Variants in GPR107 observed in about 807,000 individuals in gnomAD.
GPR107 encodes G protein-coupled receptor 107, also known as protein GPR107.
GPR107 carries 31 observed loss-of-function variants against 75.5 expected under a neutral mutation model. That is an observed-to-expected ratio of 0.41 (90% CI 0.31 to 0.55). GPR107 has a LOEUF of 0.55. Ranked by LOEUF, GPR107 falls within the 20% of genes least tolerant of loss-of-function variation. The pLI, the probability that GPR107 is intolerant of heterozygous loss-of-function variation, is 0.26. For missense variants in GPR107, 572 were observed against 665.7 expected (o/e 0.86, Z 1.55); for synonymous variants, 267 against 251.3 (o/e 1.06, Z -0.59).
Position 130,139,858 on chromosome 9 carries a change from C to T in GPR107, c.*4737C>T, listed in dbSNP as rs1477665061. On this transcript the variant is annotated 3_prime_UTR_variant, in exon 18 of 18. Transcript: ENST00000347136. ...CACATGGGGGCTTTGACTCTTCAAA[C>T]AGCTTTTGCAGATCGTAAATTGCAT... 2.0e-5 allele frequency: 3 copies of T among 152,220 alleles called. No individual in the cohort carries two copies. The highest frequency in any genetic ancestry group is 4.4e-5 in the Non-Finnish European group (3 of 68,046). The allele number at this position is 152,220 out of a possible 1,614,324, so 9.4% of individuals were successfully genotyped here.
chr9:130,104,148 G>A (rs1228678156), intron 12 of GPR107, among the ~76,000 whole-genome samples: 1 of 152,224 alleles, frequency 6.6e-6, no homozygotes, highest in African/African-American at 2.4e-5. Flanking sequence ...AGAGAGCTGG[G>A]TGGAAGCTTT....
chr9:130,086,689 CTT>C (rs2132582367), intron 7 of GPR107, among the ~76,000 whole-genome samples: 1 of 152,250 alleles, frequency 6.6e-6, no homozygotes, highest in South Asian at 2.1e-4. Context: ...GAGTGAATAA[CTT>C]TGTGACTATC....
intron 9 of GPR107, among the ~76,000 whole-genome samples, chr9:130,096,886 T>C (rs1830886886): frequency 6.6e-6 from 1 of 152,274 alleles, no homozygotes; most frequent in African/African-American, 2.4e-5. Flanking sequence ...CTTTCTGCGA[T>C]CTAGCCATGT....
chr9:130,125,113 T>TTTTC, intron 15 of GPR107, 149 bp downstream of exon 15: 2 of 509,838 alleles, frequency 3.9e-6, no homozygotes, highest in Non-Finnish European at 6.7e-6. Context: ...TTTTTTTTTT[T>TTTTC]CTGGAGACGA....
rs557517882 is a variant in GPR107, at chr9:130,137,548, A to T, written c.*2427A>T. 3 of 152,402 alleles carry T rather than the reference A, an allele frequency of 2.0e-5. No homozygotes were observed. In the East Asian group the frequency reaches 5.8e-4, roughly 29 times the overall value. 9.4% of individuals were successfully genotyped at this position (152,402 alleles called of 1,614,324 possible). A position where few individuals can be genotyped will look rare whatever the true frequency, so the allele number is the denominator to read the frequency against. On this transcript the variant is annotated 3_prime_UTR_variant, in exon 18 of 18. Coordinates refer to ENST00000347136, the MANE Select transcript of GPR107 (RefSeq NM_020960.5). ...GCTTCAAGTCAGATTGATGATCAAG[A>T]AAAGTCAAAACCCCAGCCCAAGATT...
chr9:130,079,798 AG>A (rs1281782899), intron 5 of GPR107, 29 bp downstream of exon 5: 1 of 1,488,678 alleles, frequency 6.7e-7, no homozygotes, highest in East Asian at 2.3e-5. Flanking sequence ...ACTGGCTTTC[AG>A]TTTTCACTAC....
intron 1 of GPR107, among the ~76,000 whole-genome samples, chr9:130,074,002 C>T (rs1311828745): frequency 6.6e-6 from 1 of 152,198 alleles, no homozygotes; most frequent in Non-Finnish European, 1.5e-5. Context: ...AGTGATCCTC[C>T]TGCCTCGGCC....
At chr9:130,102,136 T>C (rs1326522449) in intron 12 of GPR107, among the ~76,000 whole-genome samples, 1 of 152,174 alleles carries the variant, frequency 6.6e-6, no homozygotes, top group Non-Finnish European at 1.5e-5. Flanking sequence ...GTGACAGAGA[T>C]AGGGCTGGCC....
rs1830330023 is a variant in GPR107, at chr9:130,075,753, A to C, written c.255+4A>C. On this transcript the variant is annotated splice_donor_region_variant and intron_variant, in intron 2 of 17. Coordinates refer to ENST00000347136, the MANE Select transcript of GPR107 (RefSeq NM_020960.5). ...GCCTGAAGACAAGGATGTGACTGTA[A>C]GTACCTTTTAATGAGATCCAGGGGT... is the stretch of plus-strand genomic sequence containing the variant. 7.3e-7 allele frequency: 1 copy of C among 1,360,828 alleles called. No homozygotes were observed. Among genetic ancestry groups the C allele is most frequent in the Admixed American group, 1.7e-5 (1 of 59,366 alleles). 84.3% of individuals were successfully genotyped at this position (1,360,828 alleles called of 1,614,324 possible).
In GPR107 at chr9:130,127,683, CTTCTT is replaced by C. The variant is rs1831720566; in HGVS notation, c.1440+120_1440+124del. ...GAATGACCACTAAGACCTTCCATCT[CTTCTT>C]TTTTTTAACTAAAAATTTTTTTTTT... On this transcript the variant is annotated intron_variant, in intron 16 of 17. Transcript: ENST00000347136. The C allele has an allele frequency of 6.4e-6, 4 of 623,816 alleles. No homozygotes were observed. The Admixed American group carries it at 1.3e-4, about 21-fold the overall frequency. The allele number at this position is 623,816 out of a possible 1,614,324, so 38.6% of individuals were successfully genotyped here.
At chr9:130,056,176 G>T (rs1829782078) in intron 1 of GPR107, among the ~76,000 whole-genome samples, 1 of 152,050 alleles carries the variant, frequency 6.6e-6, no homozygotes, top group African/African-American at 2.4e-5. Context: ...ACTTGGCCGG[G>T]CACGGTGGCT....
rs1036218503 is a variant in GPR107 at position 130,138,349 on chromosome 9, G to A, written c.*3228G>A. 3.3e-5 allele frequency: 5 copies of A among 152,214 alleles called. No individual in the cohort carries two copies. Among genetic ancestry groups the A allele is most frequent in the Admixed American group, 3.3e-4 (5 of 15,258 alleles). 9.4% of individuals were successfully genotyped at this position (152,214 alleles called of 1,614,324 possible). ...CTGTAAGTCCACCTCGTGTGGGTGA[G>A]ATTTCCTCCTGCGTGATGACCTCAT... On this transcript the variant is annotated 3_prime_UTR_variant, in exon 18 of 18. Coordinates refer to ENST00000347136, the MANE Select transcript of GPR107 (RefSeq NM_020960.5).
chr9:130,057,755 C>G (rs918033524), intron 1 of GPR107, among the ~76,000 whole-genome samples: 2 of 151,700 alleles, frequency 1.3e-5, no homozygotes, highest in Non-Finnish European at 2.9e-5. Flanking sequence ...CACCATTCTT[C>G]TGGCTTTCCC....
At chr9:130,105,779 C>T (rs1372397031) in intron 13 of GPR107, among the ~76,000 whole-genome samples, 1 of 151,972 alleles carries the variant, frequency 6.6e-6, no homozygotes, top group Non-Finnish European at 1.5e-5. Context: ...GAATGATGCT[C>T]CCACCTCAGC....
intron 9 of GPR107, among the ~76,000 whole-genome samples, chr9:130,094,598 T>C (rs1830817878): frequency 6.6e-6 from 1 of 151,968 alleles, no homozygotes; most frequent in Admixed American, 6.6e-5. Context: ...AAGAGGCAGA[T>C]GGAAGGAGGG....
At chr9:130,069,461 T>C (rs2417173) in intron 1 of GPR107, among the ~76,000 whole-genome samples, 147,408 of 152,278 alleles carry the variant, frequency 0.97, 71,411 homozygotes, top group East Asian at 1. Context: ...CCATTGCTTG[T>C]ATCTGGTATT....
chr9:130,084,765 G>A (rs1254143306), intron 6 of GPR107, among the ~76,000 whole-genome samples: 2 of 149,244 alleles, frequency 1.3e-5, no homozygotes, highest in Non-Finnish European at 3.0e-5. Context: ...GACAGAGTGA[G>A]ACCCTGTCTC....
intron 1 of GPR107, among the ~76,000 whole-genome samples, chr9:130,054,550 A>G (rs886200846): frequency 3.3e-5 from 5 of 151,884 alleles, no homozygotes; most frequent in African/African-American, 1.2e-4. Context: ...CTGGAGCGAG[A>G]CTCTAGAGAA....
chr9:130,135,178 C>T lies in GPR107; in HGVS notation c.*57C>T. The T allele has an allele frequency of 3.3e-6, 3 of 897,284 alleles. No individual in the cohort carries two copies. The highest frequency in any genetic ancestry group is 5.2e-6 in the Non-Finnish European group (3 of 580,394). 55.6% of individuals were successfully genotyped at this position (897,284 alleles called of 1,614,324 possible). A position where few individuals can be genotyped will look rare whatever the true frequency, so the allele number is the denominator to read the frequency against. On this transcript the variant is annotated 3_prime_UTR_variant, in exon 18 of 18. Coordinates refer to ENST00000347136, the MANE Select transcript of GPR107 (RefSeq NM_020960.5). ...GGAAACTGTTAACTTATTCATAGTC[C>T]TATTGGACAGCAGGAGCAGCTCCTA... is the stretch of plus-strand genomic sequence containing the variant.
Sources: allele counts gnomAD v4.1 joint callset (sites outside exome capture counted in the v4.1 genomes callset), GRCh38; gene constraint gnomAD v4.1.1; transcripts MANE v1.5; gene names NCBI Gene and HGNC (gene_info 2026-07-23, HGNC 2026-07-21).